The following RPH3A variants were observed in gnomAD, a reference collection of about 807,000 sequenced individuals.
RPH3A encodes the protein rabphilin-3A.
A neutral mutation model predicts 102.2 loss-of-function variants in RPH3A; 48 were observed. The ratio of observed to expected loss-of-function variants is 0.47; its 90% CI spans 0.37 to 0.60. The LOEUF (loss-of-function observed/expected upper bound fraction) is 0.60. Among genes scored for constraint, RPH3A ranks in the 20% least tolerant of loss-of-function variants. The pLI is 0.00. For synonymous variants in RPH3A, 310 were observed against 324.3 expected (o/e 0.96, Z 0.47); for missense variants, 781 against 910.1 (o/e 0.86, Z 1.83).
chr12:112,760,923 C>T (rs530088403), intron 1 of RPH3A, among the ~76,000 whole-genome samples: 1 of 152,270 alleles, frequency 6.6e-6, no homozygotes, highest in Admixed American at 6.5e-5. Context: ...ACACAATGTT[C>T]CAGACAGCCA....
intron 1 of RPH3A, among the ~76,000 whole-genome samples, chr12:112,748,515 G>C (rs571672783): frequency 1.3e-5 from 2 of 152,070 alleles, no homozygotes; most frequent in Non-Finnish European, 2.9e-5. Flanking sequence ...TAAATTTTTT[G>C]TAGAGATGGG....
intron 1 of RPH3A, among the ~76,000 whole-genome samples, chr12:112,737,998 C>T (rs530518009): frequency 6.6e-6 from 1 of 152,330 alleles, no homozygotes; most frequent in East Asian, 1.9e-4. Flanking sequence ...AATGGAGCAG[C>T]AGTGAGGGCT....
chr12:112,740,289 C>G (rs2040699959), intron 1 of RPH3A, among the ~76,000 whole-genome samples: 1 of 152,158 alleles, frequency 6.6e-6, no homozygotes, highest in African/African-American at 2.4e-5. Flanking sequence ...GCTTGGAGAC[C>G]TTAGGCATGC....
At chr12:112,810,962 CA>C (rs1565894317) in intron 2 of RPH3A, among the ~76,000 whole-genome samples, 8 of 150,986 alleles carry the variant, frequency 5.3e-5, no homozygotes, top group Non-Finnish European at 1.2e-4. Context: ...TTTGTGTGTA[CA>C]TATATGTGTG....
chr12:112,733,233 ACAC>A (rs2136050041), intron 1 of RPH3A, among the ~76,000 whole-genome samples: 1 of 152,280 alleles, frequency 6.6e-6, no homozygotes, highest in African/African-American at 2.4e-5. Context: ...CTGCATATAC[ACAC>A]ATCTGAACAA....
intron 1 of RPH3A, among the ~76,000 whole-genome samples, chr12:112,604,131 T>C (rs148210573): frequency 2.3e-3 from 343 of 152,306 alleles, no homozygotes; most frequent in Non-Finnish European, 3.1e-3. Context: ...GTTAAGTGAT[T>C]TTCTCAAGAG....
chr12:112,871,685 T>C (rs1175393442), intron 10 of RPH3A, among the ~76,000 whole-genome samples: 7 of 151,026 alleles, frequency 4.6e-5, no homozygotes, highest in African/African-American at 1.5e-4. Context: ...CAATATTCTA[T>C]TGTGTATTTA....
intron 1 of RPH3A, among the ~76,000 whole-genome samples, chr12:112,716,747 G>A (rs796995266): frequency 7.9e-5 from 12 of 152,300 alleles, no homozygotes; most frequent in African/African-American, 2.9e-4. Context: ...TATTGAATAG[G>A]GGAGGAAAGA....
At chr12:112,796,792 G>A (rs1332539612) in intron 2 of RPH3A, among the ~76,000 whole-genome samples, 2 of 152,208 alleles carry the variant, frequency 1.3e-5, no homozygotes, top group Non-Finnish European at 2.9e-5. Flanking sequence ...GTTCATGCCT[G>A]TAATCCCAGC....
chr12:112,684,962 C>G (rs1454147919), intron 1 of RPH3A, among the ~76,000 whole-genome samples: 1 of 152,154 alleles, frequency 6.6e-6, no homozygotes, highest in East Asian at 1.9e-4. Context: ...CCCTCAAACC[C>G]TTTTCTTTCT....
intron 1 of RPH3A, among the ~76,000 whole-genome samples, chr12:112,748,979 C>T (rs888514034): frequency 2.6e-5 from 4 of 152,190 alleles, no homozygotes; most frequent in Non-Finnish European, 5.9e-5. Flanking sequence ...ATCAGATGAT[C>T]TGGCAACACT....
intron 5 of RPH3A, among the ~76,000 whole-genome samples, chr12:112,851,597 G>A (rs138566225): frequency 4.6e-4 from 70 of 152,262 alleles, no homozygotes; most frequent in African/African-American, 1.5e-3. Context: ...AGTTTTGCAA[G>A]GGTTAGCTGT....
intron 2 of RPH3A, among the ~76,000 whole-genome samples, chr12:112,805,037 AAAC>A (rs1565890721): frequency 4.6e-5 from 7 of 152,046 alleles, no homozygotes; most frequent in African/African-American, 1.7e-4. Flanking sequence ...TAGAAAAAAC[AAAC>A]AAACAAACAA....
At chr12:112,596,421 AT>A (rs939577060) in intron 1 of RPH3A, among the ~76,000 whole-genome samples, 2 of 152,206 alleles carry the variant, frequency 1.3e-5, no homozygotes, top group Admixed American at 6.5e-5. Context: ...TTTGGTTTGT[AT>A]TAGTATCCAC....
chr12:112,787,118 C>T (rs2041056653), upstream of RPH3A, among the ~76,000 whole-genome samples: 1 of 152,186 alleles, frequency 6.6e-6, no homozygotes, highest in African/African-American at 2.4e-5. Context: ...CTCCAGCCTC[C>T]CTCCTATAAG....
intron 1 of RPH3A, among the ~76,000 whole-genome samples, chr12:112,589,876 A>G (rs1242893591): frequency 6.6e-6 from 1 of 152,198 alleles, no homozygotes; most frequent in African/African-American, 2.4e-5. Flanking sequence ...TGAGGTCAGG[A>G]GTTCAAGACC....
At chr12:112,699,081 T>C (rs2136027754) in intron 1 of RPH3A, among the ~76,000 whole-genome samples, 1 of 152,148 alleles carries the variant, frequency 6.6e-6, no homozygotes, top group Admixed American at 6.5e-5. Context: ...TCACCACACC[T>C]GGCTAATTTT....
chr12:112,658,382 G>A (rs975365526), intron 1 of RPH3A, among the ~76,000 whole-genome samples: 3 of 152,046 alleles, frequency 2.0e-5, no homozygotes, highest in African/African-American at 7.2e-5. Context: ...TTGTCATGTT[G>A]GCCAGGCTGG....
chr12:112,836,033 A>G (rs1468852443), intron 3 of RPH3A, among the ~76,000 whole-genome samples: 3 of 152,188 alleles, frequency 2.0e-5, no homozygotes, highest in Non-Finnish European at 4.4e-5. Context: ...TCATAATCGG[A>G]GATGCTGGTC....
Sources: gnomAD v4.1 joint callset for allele counts (sites outside exome capture counted in the v4.1 genomes callset) on GRCh38, gnomAD v4.1.1 for gene constraint, MANE v1.5 for transcripts, NCBI Gene and HGNC (gene_info 2026-07-23, HGNC 2026-07-21) for gene names.